Variants in FHIT observed in about 807,000 individuals in gnomAD.
FHIT encodes the protein fragile histidine triad diadenosine triphosphatase.
In FHIT, 19 loss-of-function variants were observed where a neutral mutation model predicts 17.9. The ratio of observed to expected loss-of-function variants is 1.06; its 90% CI spans 0.74 to 1.56. FHIT has a LOEUF of 1.56. Among genes scored for constraint, FHIT ranks in the 40% most tolerant of loss-of-function variants. The pLI, the probability that FHIT is intolerant of heterozygous loss-of-function variation, is 0.00. For synonymous variants in FHIT, 81 were observed against 69.7 expected, an observed-to-expected ratio of 1.16 and a Z score of -0.81; for missense variants, 248 against 189.2, an observed-to-expected ratio of 1.31 and a Z score of -1.82.
chr3:61,088,822 T>C (rs1559971965), intron 2 of FHIT, among the ~76,000 whole-genome samples: 1 of 151,878 alleles, frequency 6.6e-6, no homozygotes, highest in South Asian at 2.1e-4. Flanking sequence ...TATCTTATGC[T>C]GTTGTACCTA....
At chr3:60,995,582 T>C (rs950848095) in intron 3 of FHIT, among the ~76,000 whole-genome samples, 4 of 152,086 alleles carry the variant, frequency 2.6e-5, no homozygotes, top group Non-Finnish European at 5.9e-5. Flanking sequence ...GTGACCTGGA[T>C]GTTATGCAGA....
chr3:60,990,969 T>C (rs1359282017), intron 3 of FHIT, among the ~76,000 whole-genome samples: 1 of 152,146 alleles, frequency 6.6e-6, no homozygotes, highest in Admixed American at 6.5e-5. Flanking sequence ...AGAGTGAATA[T>C]GACAATGAGG....
chr3:59,795,969 A>G (rs537254286), intron 8 of FHIT, among the ~76,000 whole-genome samples: 8 of 152,232 alleles, frequency 5.3e-5, no homozygotes, highest in Non-Finnish European at 1.0e-4. Context: ...AACTCGACTG[A>G]GTGCGCCCTG....
Position 60,839,160 on chromosome 3 carries a change from G to A in FHIT, c.-110-17149C>T, listed in dbSNP as rs112342072. Among the ~76,000 whole-genome samples the A allele has an allele frequency of 5.3e-4, 81 of 152,228 alleles. 1 individual carries two copies. The highest frequency in any genetic ancestry group is 3.4e-3 in the Middle Eastern group (1 of 294). On this transcript the variant is annotated intron_variant, in intron 3 of 9. Coordinates refer to ENST00000492590, the MANE Select transcript of FHIT (RefSeq NM_002012.4). Reference sequence around the variant, plus strand: ...ATCCTGTGTACCACGAGGAGCTACCGAACAGACGAAAATGGTGAGTGTAAT... The same window carrying A: ...ATCCTGTGTACCACGAGGAGCTACCAAACAGACGAAAATGGTGAGTGTAAT...
chr3:60,673,744 G>C lies in FHIT; in HGVS notation c.-17-136765C>G, dbSNP rs549002899. 3.1e-4 allele frequency among the ~76,000 whole-genome samples: 47 copies of C among 152,216 alleles called. No homozygotes were observed. In the South Asian group the frequency reaches 4.8e-3, roughly 15 times the overall value. On this transcript the variant is annotated intron_variant, in intron 4 of 9. Transcript: ENST00000492590. ...ATGTCATTCTATTGTCTTCTGGCTT[G>C]AATAGTTTTTATTTAGGAGTCTAAA...
In FHIT at chr3:60,010,957, C is replaced by G. The variant is rs191823398; in HGVS notation, c.279+414G>C. On this transcript the variant is annotated intron_variant, in intron 7 of 9. Coordinates refer to ENST00000492590, the MANE Select transcript of FHIT (RefSeq NM_002012.4). ...TGCTACTGCTGCGGTTATTGCTTCA[C>G]TCAAAAACAATGAAGCAAAAGCAGA... Among the ~76,000 whole-genome samples the G allele has an allele frequency of 9.6e-3, 1,468 of 152,218 alleles. 7 individuals are homozygous for G. Among genetic ancestry groups the G allele is most frequent in the Non-Finnish European group, 0.016 (1,094 of 68,010 alleles).
intron 5 of FHIT, among the ~76,000 whole-genome samples, chr3:60,340,166 C>A (rs776106881): frequency 6.6e-6 from 1 of 152,024 alleles, no homozygotes; most frequent in Non-Finnish European, 1.5e-5. Context: ...GATATGATTG[C>A]TGTATTTTAA....
At chr3:60,025,660 G>T (rs533801271) in intron 5 of FHIT, among the ~76,000 whole-genome samples, 18 of 151,040 alleles carry the variant, frequency 1.2e-4, no homozygotes, top group South Asian at 6.3e-4. Flanking sequence ...ACATAAAGAT[G>T]ATTGTGTGAT....
At chr3:60,208,594 T>G (rs1703308388) in intron 5 of FHIT, among the ~76,000 whole-genome samples, 1 of 152,234 alleles carries the variant, frequency 6.6e-6, no homozygotes, top group Admixed American at 6.5e-5. Context: ...CAACTCATTC[T>G]TTCATATCCA....
chr3:59,863,488 G>A (rs1322602502), intron 8 of FHIT, among the ~76,000 whole-genome samples: 1 of 152,138 alleles, frequency 6.6e-6, no homozygotes, highest in African/African-American at 2.4e-5. Flanking sequence ...CCTTCCATTA[G>A]CATCCATCAC....
At chr3:60,425,189 C>T (rs1702617695) in intron 5 of FHIT, among the ~76,000 whole-genome samples, 1 of 152,110 alleles carries the variant, frequency 6.6e-6, no homozygotes, top group Non-Finnish European at 1.5e-5. Context: ...GAAATGTCAT[C>T]CTGCAGTGGA....
intron 3 of FHIT, among the ~76,000 whole-genome samples, chr3:61,039,328 G>A (rs1014167676): frequency 6.6e-6 from 1 of 152,062 alleles, no homozygotes; most frequent in Non-Finnish European, 1.5e-5. Context: ...TTACAGAAAG[G>A]TTACTTTAGA....
intron 5 of FHIT, among the ~76,000 whole-genome samples, chr3:60,032,784 T>C (rs1223045571): frequency 6.6e-6 from 1 of 152,030 alleles, no homozygotes; most frequent in African/African-American, 2.4e-5. Context: ...GTTTACACTA[T>C]GCAACACAGC....
At chr3:61,096,998 A>G (rs1012687657) in intron 2 of FHIT, among the ~76,000 whole-genome samples, 7 of 151,058 alleles carry the variant, frequency 4.6e-5, no homozygotes, top group Non-Finnish European at 1.0e-4. Context: ...AGAATCGATC[A>G]AACCTGGGAG....
intron 5 of FHIT, among the ~76,000 whole-genome samples, chr3:60,364,346 CT>C (rs977560862): frequency 2.0e-4 from 31 of 152,294 alleles, no homozygotes; most frequent in African/African-American, 6.7e-4. Context: ...TTATTCAAAC[CT>C]CCTTTGACCC....
intron 1 of FHIT, among the ~76,000 whole-genome samples, chr3:61,220,686 T>C (rs2039813071): frequency 1.3e-5 from 2 of 152,346 alleles, no homozygotes; most frequent in South Asian, 4.1e-4. Context: ...TAGAACACTG[T>C]CTGGCACATA....
intron 8 of FHIT, among the ~76,000 whole-genome samples, chr3:59,790,496 C>T (rs1050329322): frequency 2.1e-5 from 3 of 145,918 alleles, no homozygotes; most frequent in African/African-American, 8.0e-5. Flanking sequence ...TTGCTTCTCT[C>T]TCTCTCTCTT....
At chr3:61,034,986 C>T (rs1231378008) in intron 3 of FHIT, among the ~76,000 whole-genome samples, 1 of 152,144 alleles carries the variant, frequency 6.6e-6, no homozygotes, top group Non-Finnish European at 1.5e-5. Context: ...ACTTCTGATA[C>T]ATCTTATAAC....
At chr3:59,831,433 C>T (rs974572396) in intron 8 of FHIT, among the ~76,000 whole-genome samples, 1 of 151,966 alleles carries the variant, frequency 6.6e-6, no homozygotes, top group East Asian at 1.9e-4. Flanking sequence ...GACACTGAGT[C>T]TTAGAAAGGT....
Sources: allele counts gnomAD v4.1 joint callset (sites outside exome capture counted in the v4.1 genomes callset), GRCh38; gene constraint gnomAD v4.1.1; transcripts MANE v1.5; gene names NCBI Gene and HGNC (gene_info 2026-07-23, HGNC 2026-07-21).